Variants in HYDIN observed in about 807,000 individuals in gnomAD.
The protein encoded by HYDIN is HYDIN axonemal central pair apparatus protein.
In HYDIN, 132 loss-of-function variants were observed where a neutral mutation model predicts 403.9. The observed-to-expected ratio is 0.33, with a 90% CI of 0.28 to 0.38. The LOEUF is 0.38. HYDIN is among the 10% of genes least tolerant of loss of function. HYDIN has a pLI of 1.00. For missense variants in HYDIN, 2,827 were observed against 5,009.5 expected (o/e 0.56, Z 13.15); for synonymous variants, 1,202 against 1,891.7 (o/e 0.64, Z 9.46).
At chr16:70,983,025 CAT>C (rs1423781426) in intron 28 of HYDIN, among the ~76,000 whole-genome samples, 1 of 104,734 alleles carries the variant, frequency 9.5e-6, no homozygotes, top group Non-Finnish European at 1.9e-5. Context: ...GCAAGGAAAA[CAT>C]AGCAATTATG....
intron 30 of HYDIN, among the ~76,000 whole-genome samples, chr16:70,976,054 C>T (rs1157184209): frequency 2.7e-5 from 4 of 149,160 alleles, no homozygotes; most frequent in Non-Finnish European, 5.9e-5. Context: ...CCATGGGGCC[C>T]TGCTAGAAAG....
intron 58 of HYDIN, among the ~76,000 whole-genome samples, chr16:70,888,723 CCTT>C (rs1251002542): frequency 2.6e-5 from 4 of 152,150 alleles, no homozygotes; most frequent in Non-Finnish European, 5.9e-5. Context: ...TGGTATTCGA[CCTT>C]CTCCGACGCC....
intron 50 of HYDIN, among the ~76,000 whole-genome samples, chr16:70,905,729 C>T (rs999104370): frequency 2.6e-5 from 4 of 151,848 alleles, no homozygotes; most frequent in South Asian, 2.1e-4. Context: ...AGTCACTGTC[C>T]TTCCCACATC....
chr16:70,893,778 A>T (rs1233800865), intron 55 of HYDIN: 1 of 150,326 alleles, frequency 6.7e-6, no homozygotes, highest in African/African-American at 2.4e-5. Context: ...GCCTGCCTTC[A>T]CCTCCTACAG....
At position 71,057,306 on chromosome 16, in the gene HYDIN, T is replaced by C. The variant is rs546816927; in HGVS notation, c.2529+3198A>G. ...CAGTGCTAGAGCACGATTGGAGTTG[T>C]GTGAAAACCTCTATTAAAAAGACCA... On this transcript the variant is annotated intron_variant, in intron 18 of 85. Coordinates refer to ENST00000393567, the MANE Select transcript of HYDIN (RefSeq NM_001270974.2). Among the ~76,000 whole-genome samples, 3 of 150,682 alleles carry C rather than the reference T, an allele frequency of 2.0e-5. No homozygotes were observed. In the South Asian group the frequency reaches 6.3e-4, roughly 32 times the overall value.
chr16:71,012,490 G>C (rs185801265), intron 23 of HYDIN, among the ~76,000 whole-genome samples: 1 of 152,270 alleles, frequency 6.6e-6, no homozygotes, highest in African/African-American at 2.4e-5. Flanking sequence ...GTGACATGAG[G>C]GCCAACTTGG....
chr16:70,902,032 C>A lies in HYDIN; in HGVS notation c.8850-830G>T, dbSNP rs1597270307. 3.3e-5 allele frequency among the ~76,000 whole-genome samples: 5 copies of A among 151,622 alleles called. No individual in the cohort carries two copies. In the South Asian group the frequency reaches 1.0e-3, roughly 32 times the overall value. On this transcript the variant is annotated intron_variant, in intron 52 of 85. Coordinates refer to ENST00000393567, the MANE Select transcript of HYDIN (RefSeq NM_001270974.2). Reference sequence around the variant, plus strand: ...AAAAAAATTCACATATAAGCAGACCCACCCAGTTCAAACCTGCATTGTTCA... The same window carrying A: ...AAAAAAATTCACATATAAGCAGACCAACCCAGTTCAAACCTGCATTGTTCA...
At chr16:71,149,730 G>A (rs2085466605) in intron 7 of HYDIN, among the ~76,000 whole-genome samples, 1 of 152,114 alleles carries the variant, frequency 6.6e-6, no homozygotes, top group South Asian at 2.1e-4. Flanking sequence ...GTTTCACCAT[G>A]TTGCCCAGGC....
chr16:70,964,945 C>T (rs2078528411), intron 36 of HYDIN, 49 bp from the exon 37 acceptor site: 1 of 1,542,168 alleles, frequency 6.5e-7, no homozygotes, highest in Admixed American at 1.7e-5. Flanking sequence ...AGAAATCTCC[C>T]TGCAGCTCTA....
At position 70,908,818 on chromosome 16, in the gene HYDIN, TTC is replaced by T. The variant is rs1408137057; in HGVS notation, c.8046_8047del (p.Lys2683AsnfsTer78). 6.2e-7 allele frequency: 1 copy of T among 1,614,126 alleles called. No individual in the cohort carries two copies. Among genetic ancestry groups the T allele is most frequent in the African/African-American group, 1.3e-5 (1 of 74,940 alleles). On this transcript the variant is annotated frameshift_variant, in exon 48 of 86. Coordinates refer to ENST00000393567, the MANE Select transcript of HYDIN (RefSeq NM_001270974.2). LOFTEE classifies it high-confidence loss of function. ...GACTTGGTCTATCTTTTCTTTCATT[TTC>T]TGTTTGCCCCCCTTAGATGAGCTGG...
At chr16:70,811,574 T>A (rs1483187328) in intron 84 of HYDIN, 1 of 150,102 alleles carries the variant, frequency 6.7e-6, no homozygotes, top group Non-Finnish European at 1.5e-5. Flanking sequence ...AAAATAGACA[T>A]GTGTATAAAC....
chr16:71,037,921 A>T (rs1259717946), intron 18 of HYDIN, among the ~76,000 whole-genome samples: 4 of 152,186 alleles, frequency 2.6e-5, no homozygotes, highest in Non-Finnish European at 5.9e-5. Flanking sequence ...CATTGCCTTA[A>T]GCCGCTATAT....
chr16:71,012,639 C>T (rs189626297), intron 23 of HYDIN, among the ~76,000 whole-genome samples: 5 of 152,260 alleles, frequency 3.3e-5, no homozygotes, highest in Admixed American at 6.5e-5. Context: ...AGTGTCTAGG[C>T]GACCTCAGAC....
At chr16:71,196,112 G>T (rs949879100) in intron 1 of HYDIN, among the ~76,000 whole-genome samples, 8 of 152,198 alleles carry the variant, frequency 5.3e-5, no homozygotes, top group African/African-American at 1.7e-4. Flanking sequence ...TTTCAAAACA[G>T]ACTACTTTTG....
In HYDIN at chr16:70,865,244, C is replaced by T. The variant is rs568688332; in HGVS notation, c.11471+925G>A. The T allele has an allele frequency of 4.7e-3, 1,717 of 363,202 alleles. 28 individuals carry two copies. Among genetic ancestry groups the T allele is most frequent in the African/African-American group, 0.033 (1,547 of 47,290 alleles). The allele number at this position is 363,202 out of a possible 1,614,324, so 22.5% of individuals were successfully genotyped here. ...CTCTCACTTTGTTCTCACTTCTTTACTTGGTTACCTCCTATCTGTCCTCTA... is the reference window on the plus strand; with the variant it reads ...CTCTCACTTTGTTCTCACTTCTTTATTTGGTTACCTCCTATCTGTCCTCTA... On this transcript the variant is annotated intron_variant, in intron 67 of 85. Coordinates refer to ENST00000393567, the MANE Select transcript of HYDIN (RefSeq NM_001270974.2).
In HYDIN at chr16:70,920,682, C is replaced by G; in HGVS notation, c.7694G>C (p.Gly2565Ala). The G allele has an allele frequency of 6.2e-7, 1 of 1,612,804 alleles. No homozygotes were observed. Among genetic ancestry groups the G allele is most frequent in the Non-Finnish European group, 8.5e-7 (1 of 1,179,476 alleles). Residue 2565 changes from glycine (G) to alanine (A), a missense_variant, in exon 46 of 86, where the codon GGC becomes GCC. Transcript: ENST00000393567. The stretch of plus-strand genomic sequence containing the variant: ...TGTCTGGATGTCTAGGAAGGGTACG[C>G]CCAGGTCCTTCTCCTTCTTCCCTTC... Reference protein sequence around the residue: ...DHEGKKEKDLGVPFLDIQTPD... With the variant: ...DHEGKKEKDLAVPFLDIQTPD...
chr16:70,941,030 C>T (rs2077654885), intron 43 of HYDIN, among the ~76,000 whole-genome samples: 1 of 150,896 alleles, frequency 6.6e-6, no homozygotes, highest in African/African-American at 2.4e-5. Flanking sequence ...ACCTATCTTT[C>T]AATCAAACCT....
At chr16:71,089,254 G>A (rs946829242) in intron 11 of HYDIN, among the ~76,000 whole-genome samples, 3 of 151,934 alleles carry the variant, frequency 2.0e-5, no homozygotes, top group Admixed American at 6.6e-5. Context: ...ATGCACACTC[G>A]TGATATTAGG....
At chr16:70,844,854 T>C (rs1236649583) in intron 75 of HYDIN, among the ~76,000 whole-genome samples, 1 of 151,782 alleles carries the variant, frequency 6.6e-6, no homozygotes, top group Non-Finnish European at 1.5e-5. Flanking sequence ...CTGTTGTTGG[T>C]GTACAAGAAT....
Sources: gnomAD v4.1 joint callset for allele counts (sites outside exome capture counted in the v4.1 genomes callset) on GRCh38, gnomAD v4.1.1 for gene constraint, MANE v1.5 for transcripts, NCBI Gene and HGNC (gene_info 2026-07-23, HGNC 2026-07-21) for gene names.